Variants in PRKD1 observed in about 807,000 individuals in gnomAD.
PRKD1 encodes serine/threonine-protein kinase D1.
Under a neutral mutation model 95.9 loss-of-function variants are expected in PRKD1, and 63 were observed. The observed-to-expected ratio is 0.66, with a 90% CI of 0.54 to 0.81. The LOEUF is 0.81. PRKD1 is among the 30% of genes least tolerant of loss of function. The pLI is 0.00. For missense variants in PRKD1, 1,048 were observed against 1,165.3 expected (o/e 0.90, Z 1.47); for synonymous variants, 425 against 423.1 (o/e 1.00, Z -0.05).
At chr14:29,862,967 C>G (rs535558460) in intron 1 of PRKD1, among the ~76,000 whole-genome samples, 3 of 152,266 alleles carry the variant, frequency 2.0e-5, no homozygotes, top group African/African-American at 7.2e-5. Context: ...TTTCCCCAAG[C>G]ATTTTCTTTT....
chr14:29,790,137 G>A (rs1889471775), intron 1 of PRKD1, among the ~76,000 whole-genome samples: 1 of 149,630 alleles, frequency 6.7e-6, no homozygotes, highest in South Asian at 2.1e-4. Flanking sequence ...TGAGCCTCCT[G>A]AGTAGCTTGG....
At chr14:29,751,776 A>G (rs528385940) in intron 1 of PRKD1, among the ~76,000 whole-genome samples, 151 of 152,292 alleles carry the variant, frequency 9.9e-4, no homozygotes, top group African/African-American at 3.5e-3. Context: ...GAGATTGGCC[A>G]TGTGATTTGC....
At chr14:29,862,199 A>G (rs1317699691) in intron 1 of PRKD1, among the ~76,000 whole-genome samples, 1 of 152,150 alleles carries the variant, frequency 6.6e-6, no homozygotes, top group Non-Finnish European at 1.5e-5. Flanking sequence ...TGTTGTTCCA[A>G]ATGACTAAAT....
At chr14:29,706,345 G>A (rs7146111) in intron 2 of PRKD1, among the ~76,000 whole-genome samples, 66,827 of 151,770 alleles carry the variant, frequency 0.44, 15,307 homozygotes, top group African/African-American at 0.57. Flanking sequence ...ATCCATATGC[G>A]TTATTCTTGT....
At chr14:29,760,881 A>G (rs1284120949) in intron 1 of PRKD1, among the ~76,000 whole-genome samples, 1 of 152,214 alleles carries the variant, frequency 6.6e-6, no homozygotes, top group Non-Finnish European at 1.5e-5. Context: ...TTATCCTAAT[A>G]GAATTGATCA....
At chr14:29,600,417 G>A (rs1050145416) in intron 13 of PRKD1, among the ~76,000 whole-genome samples, 2 of 152,106 alleles carry the variant, frequency 1.3e-5, no homozygotes, top group African/African-American at 4.8e-5. Flanking sequence ...TTTCAAGCAC[G>A]CAATAAATAT....
chr14:29,630,121 CAAGCTG>C (rs1270872768), intron 10 of PRKD1, among the ~76,000 whole-genome samples: 1 of 151,440 alleles, frequency 6.6e-6, no homozygotes, highest in African/African-American at 2.4e-5. Flanking sequence ...CATTCCATGT[CAAGCTG>C]AAGCTGGCTA....
chr14:29,802,649 C>T lies in PRKD1; in HGVS notation c.265-76975G>A, dbSNP rs575444199. On this transcript the variant is annotated intron_variant, in intron 1 of 17. Transcript: ENST00000331968. ...TGGAGCAACAGATAAAAGATTGGAA[C>T]CTGAGGAATCCACCAGTGTTTACAT... 3.3e-5 allele frequency among the ~76,000 whole-genome samples: 5 copies of T among 152,308 alleles called. No homozygotes were observed. The East Asian group carries it at 5.8e-4, about 18-fold the overall frequency.
At chr14:29,785,672 T>TG (rs1889239233) in intron 1 of PRKD1, among the ~76,000 whole-genome samples, 2 of 71,058 alleles carry the variant, frequency 2.8e-5, no homozygotes, top group African/African-American at 5.7e-5. Context: ...GGGACTGTTG[T>TG]GGGGTGGGGG....
At chr14:29,646,118 T>C (rs1203180849) in intron 4 of PRKD1, among the ~76,000 whole-genome samples, 1 of 152,106 alleles carries the variant, frequency 6.6e-6, no homozygotes, top group Admixed American at 6.5e-5. Context: ...ACCATATTCA[T>C]GGTGGAGGCG....
At position 29,576,586 on chromosome 14, in the gene PRKD1, A is replaced by G. The variant is rs936053087; in HGVS notation, c.*652T>C. On this transcript the variant is annotated 3_prime_UTR_variant, in exon 18 of 18. Coordinates refer to ENST00000331968, the MANE Select transcript of PRKD1 (RefSeq NM_002742.3). ...AGTATTATAAGAAAGAGGGAAATGT[A>G]TCTGTTATATATGGCAGTTTACATT... 6.5e-6 allele frequency: 1 copy of G among 153,896 alleles called. No homozygotes were observed. The highest frequency in any genetic ancestry group is 1.5e-5 in the Non-Finnish European group (1 of 68,912). 9.5% of individuals were successfully genotyped at this position (153,896 alleles called of 1,614,324 possible).
In PRKD1 at chr14:29,599,138, A is replaced by T; in HGVS notation, c.2068-13T>A. ...AAGCCACGAGTATCTGTAAAGAAGA[A>T]TCACCAAAATTTCATTCCAGTTTAT... On this transcript the variant is annotated splice_polypyrimidine_tract_variant and intron_variant, in intron 14 of 17. Coordinates refer to ENST00000331968, the MANE Select transcript of PRKD1 (RefSeq NM_002742.3). 1 of 1,602,084 alleles carries T rather than the reference A, an allele frequency of 6.2e-7. No homozygotes were observed. The highest frequency in any genetic ancestry group is 1.3e-5 in the African/African-American group (1 of 74,732).
At chr14:29,789,687 G>A (rs1403967325) in intron 1 of PRKD1, among the ~76,000 whole-genome samples, 1 of 152,130 alleles carries the variant, frequency 6.6e-6, no homozygotes, top group Non-Finnish European at 1.5e-5. Flanking sequence ...GTGCACATGG[G>A]CCCATCTTTA....
At chr14:29,775,864 C>T (rs1052250539) in intron 1 of PRKD1, among the ~76,000 whole-genome samples, 2 of 152,180 alleles carry the variant, frequency 1.3e-5, no homozygotes, top group Admixed American at 1.3e-4. Context: ...GGGCCCCTGA[C>T]CCCCGAGTAG....
chr14:29,581,173 C>G (rs1196987355), intron 16 of PRKD1, among the ~76,000 whole-genome samples: 1 of 152,022 alleles, frequency 6.6e-6, no homozygotes, highest in Non-Finnish European at 1.5e-5. Flanking sequence ...TCCCCTTAAT[C>G]TCACCTCTAT....
intron 16 of PRKD1, among the ~76,000 whole-genome samples, chr14:29,596,557 G>A (rs951663099): frequency 2.6e-5 from 4 of 152,064 alleles, no homozygotes; most frequent in Non-Finnish European, 5.9e-5. Context: ...TGGTTCAAGC[G>A]CTTCTCCTGC....
chr14:29,590,267 T>C lies in PRKD1; in HGVS notation c.2434+7224A>G, dbSNP rs775801953. On this transcript the variant is annotated intron_variant, in intron 16 of 17. Transcript: ENST00000331968. ...TTTCATTCCAGTTTTCTCTATCTTATTGTTTTCCTCCTTCTCCCAATTAAT... is the reference window on the plus strand; with the variant it reads ...TTTCATTCCAGTTTTCTCTATCTTACTGTTTTCCTCCTTCTCCCAATTAAT... Among the ~76,000 whole-genome samples the C allele has an allele frequency of 3.9e-4, 60 of 152,352 alleles. 1 individual carries two copies. Among genetic ancestry groups the C allele is most frequent in the Middle Eastern group, 6.8e-3 (2 of 294 alleles).
chr14:29,879,757 G>A lies in PRKD1; in HGVS notation c.264+47492C>T, dbSNP rs148128988. ...TAGTGATAGGAACAATAAGGTCCAGGCTGAGGTGGTCTCAGATGGAGATGA... is the reference window on the plus strand; with the variant it reads ...TAGTGATAGGAACAATAAGGTCCAGACTGAGGTGGTCTCAGATGGAGATGA... On this transcript the variant is annotated intron_variant, in intron 1 of 17. Coordinates refer to ENST00000331968, the MANE Select transcript of PRKD1 (RefSeq NM_002742.3). Among the ~76,000 whole-genome samples the A allele has an allele frequency of 2.4e-3, 371 of 152,306 alleles. 1 individual carries two copies. The highest frequency in any genetic ancestry group is 8.3e-3 in the African/African-American group (347 of 41,558).
chr14:29,899,288 T>C (rs184861792), intron 1 of PRKD1, among the ~76,000 whole-genome samples: 22 of 152,346 alleles, frequency 1.4e-4, no homozygotes, highest in Admixed American at 1.0e-3. Flanking sequence ...TTTTCAAACC[T>C]TGTCAAAAAA....
Sources: gnomAD v4.1 joint callset for allele counts (sites outside exome capture counted in the v4.1 genomes callset) on GRCh38, gnomAD v4.1.1 for gene constraint, MANE v1.5 for transcripts, NCBI Gene and HGNC (gene_info 2026-07-23, HGNC 2026-07-21) for gene names.